Variants in SGCZ observed in about 807,000 individuals in gnomAD.
The protein encoded by SGCZ is zeta-sarcoglycan.
Under a neutral mutation model 41.3 loss-of-function variants are expected in SGCZ, and 40 were observed. The observed-to-expected ratio is 0.97, with a 90% CI of 0.75 to 1.26. SGCZ has a LOEUF of 1.26. Ranked by LOEUF, SGCZ falls within the 50% of genes most tolerant of loss-of-function variation. SGCZ has a pLI of 0.00. For synonymous variants in SGCZ, 206 were observed against 137.5 expected, an observed-to-expected ratio of 1.50 and a Z score of -3.49; for missense variants, 552 against 369.8, an observed-to-expected ratio of 1.49 and a Z score of -4.04.
At chr8:14,995,452 G>A (rs1802182342) in intron 1 of SGCZ, among the ~76,000 whole-genome samples, 1 of 152,186 alleles carries the variant, frequency 6.6e-6, no homozygotes, top group African/African-American at 2.4e-5. Flanking sequence ...TTCTATTTCA[G>A]ATATTTGAAA....
chr8:14,830,231 G>C (rs1011254526), intron 1 of SGCZ, among the ~76,000 whole-genome samples: 4 of 151,760 alleles, frequency 2.6e-5, no homozygotes, highest in Non-Finnish European at 5.9e-5. Context: ...AAGTATATTA[G>C]GATAAATGGG....
chr8:14,156,708 A>G (rs1470773103), intron 5 of SGCZ, among the ~76,000 whole-genome samples: 1 of 152,128 alleles, frequency 6.6e-6, no homozygotes, highest in African/African-American at 2.4e-5. Context: ...CCCTATTTAA[A>G]GTTTTTCTAA....
intron 1 of SGCZ, among the ~76,000 whole-genome samples, chr8:15,233,459 C>A (rs1257328886): frequency 6.6e-6 from 1 of 151,452 alleles, no homozygotes; most frequent in South Asian, 2.1e-4. Context: ...TAATCAATCT[C>A]TTGTTTAAAT....
intron 3 of SGCZ, among the ~76,000 whole-genome samples, chr8:14,255,712 G>C (rs1391323103): frequency 8.5e-5 from 13 of 152,062 alleles, no homozygotes; most frequent in Admixed American, 7.9e-4. Flanking sequence ...ATGAATGAAA[G>C]AGGTTCAACA....
chr8:14,894,902 A>T (rs897731595), intron 1 of SGCZ, among the ~76,000 whole-genome samples: 1 of 152,208 alleles, frequency 6.6e-6, no homozygotes, highest in African/African-American at 2.4e-5. Flanking sequence ...AGAATGAAGG[A>T]AAACTATATT....
chr8:15,109,071 G>A (rs1364175771), intron 1 of SGCZ, among the ~76,000 whole-genome samples: 1 of 151,914 alleles, frequency 6.6e-6, no homozygotes, highest in East Asian at 1.9e-4. Flanking sequence ...TAATTGGAAA[G>A]GATTCGAAAA....
At chr8:15,014,421 G>C (rs1349093097) in intron 1 of SGCZ, among the ~76,000 whole-genome samples, 1 of 152,202 alleles carries the variant, frequency 6.6e-6, no homozygotes, top group Non-Finnish European at 1.5e-5. Context: ...TTTTGCGTGT[G>C]TCTTTGTAAA....
At chr8:15,011,659 CT>C (rs1251214112) in intron 1 of SGCZ, among the ~76,000 whole-genome samples, 1 of 152,144 alleles carries the variant, frequency 6.6e-6, no homozygotes, top group Admixed American at 6.6e-5. Context: ...TTACTACTAT[CT>C]AAATACTGTC....
intron 1 of SGCZ, among the ~76,000 whole-genome samples, chr8:15,162,178 T>A (rs887984199): frequency 6.6e-6 from 1 of 152,316 alleles, no homozygotes; most frequent in South Asian, 2.1e-4. Flanking sequence ...CAAGAGGAAA[T>A]GTTTTGTTAG....
At chr8:14,279,793 G>C (rs1173675332) in intron 3 of SGCZ, among the ~76,000 whole-genome samples, 1 of 151,642 alleles carries the variant, frequency 6.6e-6, no homozygotes, top group Non-Finnish European at 1.5e-5. Flanking sequence ...TGAATTTTCA[G>C]AAAATACTCT....
intron 2 of SGCZ, among the ~76,000 whole-genome samples, chr8:14,510,117 A>T (rs1290997470): frequency 1.3e-5 from 2 of 152,192 alleles, no homozygotes; most frequent in African/African-American, 4.8e-5. Flanking sequence ...AAGACTTTCA[A>T]GAAAAGAAAT....
At chr8:14,731,707 G>A (rs1344643833) in intron 1 of SGCZ, among the ~76,000 whole-genome samples, 1 of 151,962 alleles carries the variant, frequency 6.6e-6, no homozygotes, top group Non-Finnish European at 1.5e-5. Context: ...GACACATTTT[G>A]TAAAGATTAC....
intron 1 of SGCZ, among the ~76,000 whole-genome samples, chr8:15,123,849 A>G (rs1439526813): frequency 6.6e-6 from 1 of 152,208 alleles, no homozygotes; most frequent in African/African-American, 2.4e-5. Context: ...GGCTTTCCGG[A>G]AGAAAACGTA....
At chr8:14,514,750 T>C (rs958053104) in intron 2 of SGCZ, among the ~76,000 whole-genome samples, 4 of 143,726 alleles carry the variant, frequency 2.8e-5, no homozygotes, top group Non-Finnish European at 6.1e-5. Context: ...TAAATATATG[T>C]AAGTATGTGT....
In SGCZ at chr8:14,773,999, G is replaced by C. The variant is rs2256427; in HGVS notation, c.40-219073C>G. Among the ~76,000 whole-genome samples, 561 of 152,332 alleles carry C rather than the reference G, an allele frequency of 3.7e-3. 6 individuals carry two copies. The highest frequency in any genetic ancestry group is 0.012 in the African/African-American group (511 of 41,576). ...ATGACTAATCAATAAAGCAAGGGGA[G>C]TGACAACTTGGTTGGACCACTCGGC... On this transcript the variant is annotated intron_variant, in intron 1 of 7. Coordinates refer to ENST00000382080, the MANE Select transcript of SGCZ (RefSeq NM_139167.4).
chr8:14,688,327 G>C (rs189664387), intron 1 of SGCZ, among the ~76,000 whole-genome samples: 157 of 152,238 alleles, frequency 1.0e-3, no homozygotes, highest in Admixed American at 3.0e-3. Flanking sequence ...TATGGTTTTA[G>C]GTCTAAAGTT....
chr8:14,574,976 T>G (rs2117241051), intron 1 of SGCZ, among the ~76,000 whole-genome samples: 1 of 152,316 alleles, frequency 6.6e-6, no homozygotes. Context: ...ATAACGGTTT[T>G]CATTAAAAGA....
chr8:15,175,479 A>G (rs141446817), intron 1 of SGCZ, among the ~76,000 whole-genome samples: 5 of 152,300 alleles, frequency 3.3e-5, no homozygotes, highest in Middle Eastern at 6.8e-3. Flanking sequence ...AGTGGGAGCT[A>G]AATGATGAGA....
At position 14,392,201 on chromosome 8, in the gene SGCZ, G is replaced by C. The variant is rs1433744957; in HGVS notation, c.235-67997C>G. Among the ~76,000 whole-genome samples, 4 of 152,100 alleles carry C rather than the reference G, an allele frequency of 2.6e-5. No individual in the cohort carries two copies. The East Asian group carries it at 7.7e-4, about 29-fold the overall frequency. ...ATAGCTACACTTTAATGCATAGCTT[G>C]TTCTCTTTACTCACACTTCATTCTA... On this transcript the variant is annotated intron_variant, in intron 2 of 7. Transcript: ENST00000382080.
Sources: allele counts gnomAD v4.1 joint callset (sites outside exome capture counted in the v4.1 genomes callset), GRCh38; gene constraint gnomAD v4.1.1; transcripts MANE v1.5; gene names NCBI Gene and HGNC (gene_info 2026-07-23, HGNC 2026-07-21).